Variants in ZBTB7C observed in about 807,000 individuals in gnomAD.
ZBTB7C encodes zinc finger and BTB domain containing 7C.
A neutral mutation model predicts 25.7 loss-of-function variants in ZBTB7C; 8 were observed. The ratio of observed to expected loss-of-function variants is 0.31; its 90% CI spans 0.18 to 0.56. ZBTB7C has a LOEUF of 0.56. ZBTB7C is among the 20% of genes least tolerant of loss of function. The pLI is 0.91. For missense variants in ZBTB7C, 824 were observed against 855.2 expected (o/e 0.96, Z 0.46); for synonymous variants, 394 against 369.0 (o/e 1.07, Z -0.78).
chr18:48,096,144 C>T (rs2038624608), intron 3 of ZBTB7C, among the ~76,000 whole-genome samples: 1 of 152,276 alleles, frequency 6.6e-6, no homozygotes, highest in Admixed American at 6.5e-5. Context: ...CAAGTAAACA[C>T]AGTTATGTTA....
chr18:48,103,747 T>C (rs1471342395), intron 3 of ZBTB7C, among the ~76,000 whole-genome samples: 1 of 152,002 alleles, frequency 6.6e-6, no homozygotes, highest in African/African-American at 2.4e-5. Flanking sequence ...GGGATATTAT[T>C]TGGCAATAAG....
intron 1 of ZBTB7C, among the ~76,000 whole-genome samples, chr18:48,408,112 G>C (rs1375812702): frequency 6.6e-6 from 1 of 152,180 alleles, no homozygotes; most frequent in East Asian, 1.9e-4. Context: ...GGTCCAGCGA[G>C]ACTTCCCATA....
chr18:48,390,713 G>T (rs2047881436), intron 1 of ZBTB7C, among the ~76,000 whole-genome samples: 1 of 152,154 alleles, frequency 6.6e-6, no homozygotes, highest in African/African-American at 2.4e-5. Flanking sequence ...CATCGCCAAG[G>T]TGTGGTTCCA....
At chr18:48,403,010 G>A (rs978503560) in intron 1 of ZBTB7C, among the ~76,000 whole-genome samples, 1 of 152,218 alleles carries the variant, frequency 6.6e-6, no homozygotes, top group Admixed American at 6.5e-5. Flanking sequence ...CCCTGCTCCT[G>A]CAGGGCTGAG....
At chr18:48,248,176 C>T (rs2043749522) in intron 2 of ZBTB7C, among the ~76,000 whole-genome samples, 1 of 152,044 alleles carries the variant, frequency 6.6e-6, no homozygotes, top group South Asian at 2.1e-4. Flanking sequence ...TTATAAATTA[C>T]CCAGTCTCAG....
intron 1 of ZBTB7C, among the ~76,000 whole-genome samples, chr18:48,396,520 T>C (rs1205179778): frequency 6.6e-6 from 1 of 152,196 alleles, no homozygotes; most frequent in Non-Finnish European, 1.5e-5. Flanking sequence ...TAGGAGGGCT[T>C]TTTTTGTTTA....
intron 2 of ZBTB7C, among the ~76,000 whole-genome samples, chr18:48,238,392 A>C (rs2043435351): frequency 6.6e-6 from 1 of 152,224 alleles, no homozygotes. Flanking sequence ...AACCAAAAGA[A>C]TTCAAAGACC....
In ZBTB7C at chr18:48,055,097, T is replaced by C. The variant is rs1027671308; in HGVS notation, c.-16-13974A>G. On this transcript the variant is annotated intron_variant, in intron 3 of 4. Coordinates refer to ENST00000590800, the MANE Select transcript of ZBTB7C (RefSeq NM_001318841.2). The stretch of plus-strand genomic sequence containing the variant: ...CCCACAGCAAAATATCTCAAAGAAG[T>C]AGGAACCAATAAAGAACCTAATGTG... Among the ~76,000 whole-genome samples, 12 of 151,900 alleles carry C rather than the reference T, an allele frequency of 7.9e-5. No individual in the cohort carries two copies. In the East Asian group the frequency reaches 2.3e-3, roughly 29 times the overall value.
At chr18:48,391,839 T>G (rs1393519369) in intron 1 of ZBTB7C, among the ~76,000 whole-genome samples, 2 of 152,198 alleles carry the variant, frequency 1.3e-5, no homozygotes, top group Non-Finnish European at 2.9e-5. Context: ...GAACTACTGT[T>G]CAAGCACTCT....
intron 1 of ZBTB7C, among the ~76,000 whole-genome samples, chr18:48,377,135 T>G (rs1345758084): frequency 1.3e-5 from 2 of 152,136 alleles, no homozygotes; most frequent in African/African-American, 4.8e-5. Flanking sequence ...GGGGAGGCGA[T>G]GCTCTGGCAA....
chr18:48,177,054 T>G (rs1744148932), intron 3 of ZBTB7C, among the ~76,000 whole-genome samples: 1 of 152,264 alleles, frequency 6.6e-6, no homozygotes, highest in Non-Finnish European at 1.5e-5. Context: ...GTGCTGGACA[T>G]CTACGGGAAC....
chr18:48,085,160 G>C (rs2038147269), intron 3 of ZBTB7C, among the ~76,000 whole-genome samples: 1 of 152,094 alleles, frequency 6.6e-6, no homozygotes, highest in Non-Finnish European at 1.5e-5. Flanking sequence ...AGGGCGGGTG[G>C]GGGTAGGTAA....
intron 1 of ZBTB7C, among the ~76,000 whole-genome samples, chr18:48,401,981 C>T (rs1477200530): frequency 1.3e-5 from 2 of 152,092 alleles, no homozygotes; most frequent in Non-Finnish European, 2.9e-5. Flanking sequence ...CCACCAAGGC[C>T]CCAGAACACA....
intron 2 of ZBTB7C, among the ~76,000 whole-genome samples, chr18:48,297,363 T>TTA (rs2045424463): frequency 6.6e-6 from 1 of 152,206 alleles, no homozygotes; most frequent in Admixed American, 6.5e-5. Flanking sequence ...GTATAGACTC[T>TTA]TATAGACACG....
chr18:48,199,722 T>G (rs1408335853), intron 2 of ZBTB7C, among the ~76,000 whole-genome samples: 1 of 151,912 alleles, frequency 6.6e-6, no homozygotes, highest in Non-Finnish European at 1.5e-5. Context: ...GAGGTTTCCT[T>G]TCTACAAATA....
chr18:48,386,008 T>A (rs891071452), intron 1 of ZBTB7C, among the ~76,000 whole-genome samples: 2 of 152,120 alleles, frequency 1.3e-5, no homozygotes, highest in Non-Finnish European at 2.9e-5. Context: ...AAGGCAGAGG[T>A]CTAAGACACC....
chr18:48,066,789 C>T (rs1036109503), intron 3 of ZBTB7C, among the ~76,000 whole-genome samples: 3 of 152,162 alleles, frequency 2.0e-5, no homozygotes, highest in South Asian at 2.1e-4. Context: ...AGCCACTAGA[C>T]GTTAGGAGTC....
At chr18:48,132,206 A>G (rs1388498170) in intron 3 of ZBTB7C, among the ~76,000 whole-genome samples, 1 of 152,226 alleles carries the variant, frequency 6.6e-6, no homozygotes, top group African/African-American at 2.4e-5. Flanking sequence ...TAAATAAAAT[A>G]TGGTGTATCT....
chr18:48,048,485 T>C (rs1159497777), intron 3 of ZBTB7C, among the ~76,000 whole-genome samples: 1 of 152,166 alleles, frequency 6.6e-6, no homozygotes, highest in Non-Finnish European at 1.5e-5. Flanking sequence ...TGGGCTGACA[T>C]CTTCGCTTCA....
Sources: gnomAD v4.1 joint callset for allele counts (sites outside exome capture counted in the v4.1 genomes callset) on GRCh38, gnomAD v4.1.1 for gene constraint, MANE v1.5 for transcripts, NCBI Gene and HGNC (gene_info 2026-07-23, HGNC 2026-07-21) for gene names.